MEIS2: variants seen among roughly 807,000 people sequenced by gnomAD.
MEIS2 encodes the protein Meis homeobox 2, also known as homeobox protein Meis2.
MEIS2 carries 9 observed loss-of-function variants against 58.6 expected under a neutral mutation model. That is an observed-to-expected ratio of 0.15 (90% CI 0.09 to 0.27). The LOEUF (loss-of-function observed/expected upper bound fraction) is 0.27. Among genes scored for constraint, MEIS2 ranks in the 10% least tolerant of loss-of-function variants. The pLI is 1.00. For missense variants in MEIS2, 427 were observed against 635.0 expected, an observed-to-expected ratio of 0.67 and a Z score of 3.52; for synonymous variants, 221 against 228.4, an observed-to-expected ratio of 0.97 and a Z score of 0.29.
rs150469916 is a variant in MEIS2 at position 36,964,675 on chromosome 15, A to G, written c.901-14275T>C. ...TTGTCATAATAGTCTGGGCAGAAGT[A>G]CATGACTGTCATTCCAAGGCAGTAA... On this transcript the variant is annotated intron_variant, in intron 8 of 11. Coordinates refer to ENST00000561208, the MANE Select transcript of MEIS2 (RefSeq NM_170675.5). 7.8e-3 allele frequency among the ~76,000 whole-genome samples: 1,192 copies of G among 152,332 alleles called. 22 individuals are homozygous for G. The highest frequency in any genetic ancestry group is 0.028 in the African/African-American group (1,148 of 41,574).
chr15:36,982,355 C>T (rs2059955602), intron 8 of MEIS2, among the ~76,000 whole-genome samples: 1 of 152,174 alleles, frequency 6.6e-6, no homozygotes. Flanking sequence ...CCCTCTGCTT[C>T]TAGGAGTTTA....
chr15:37,040,539 AC>A (rs1317223077), intron 7 of MEIS2, among the ~76,000 whole-genome samples: 1 of 152,178 alleles, frequency 6.6e-6, no homozygotes, highest in Non-Finnish European at 1.5e-5. Flanking sequence ...AGAGCTGAGT[AC>A]CCACAGGGCT....
chr15:36,894,927 A>C, intron 11 of MEIS2: 3 of 1,040,864 alleles, frequency 2.9e-6, no homozygotes, highest in Non-Finnish European at 4.5e-6. Context: ...AAAAAGAAAA[A>C]AGAAAAAGGA....
At chr15:36,970,328 C>A (rs11633488) in intron 8 of MEIS2, among the ~76,000 whole-genome samples, 1 of 151,060 alleles carries the variant, frequency 6.6e-6, no homozygotes, top group South Asian at 2.1e-4. Context: ...GGCGTGAACC[C>A]GGGAGGCGGA....
intron 8 of MEIS2, among the ~76,000 whole-genome samples, chr15:36,980,930 C>A (rs558738437): frequency 5.3e-4 from 81 of 152,170 alleles, no homozygotes; most frequent in African/African-American, 2.0e-3. Flanking sequence ...TAAAGTAGGA[C>A]AAATATCTTA....
rs558417007 is a variant in MEIS2, at chr15:36,921,720, G to T, written c.978-25034C>A. Among the ~76,000 whole-genome samples, 123 of 105,134 alleles carry T rather than the reference G, an allele frequency of 1.2e-3. 1 individual carries two copies. The highest frequency in any genetic ancestry group is 0.011 in the South Asian group (40 of 3,624). 69.0% of individuals were successfully genotyped at this position (105,134 alleles called of 152,430 possible). ...GATACGCTAGTGACCTCTTGGCATT[G>T]TTGAAAAAAAAAAAAATGAAATGTG... On this transcript the variant is annotated intron_variant, in intron 9 of 11. Coordinates refer to ENST00000561208, the MANE Select transcript of MEIS2 (RefSeq NM_170675.5).
chr15:36,943,734 T>C (rs751529286), intron 9 of MEIS2, among the ~76,000 whole-genome samples: 14 of 152,108 alleles, frequency 9.2e-5, no homozygotes, highest in Non-Finnish European at 1.8e-4. Context: ...CAGCTTGCTA[T>C]GAAAACCATA....
intron 9 of MEIS2, among the ~76,000 whole-genome samples, chr15:36,941,177 A>C (rs1345666456): frequency 1.3e-5 from 2 of 152,176 alleles, no homozygotes; most frequent in African/African-American, 4.8e-5. Context: ...CAGATCCAAG[A>C]CTATCAGGAT....
intron 8 of MEIS2, among the ~76,000 whole-genome samples, chr15:36,992,836 G>T (rs769476870): frequency 1.2e-4 from 18 of 152,058 alleles, no homozygotes; most frequent in Non-Finnish European, 2.4e-4. Flanking sequence ...AGGTTTTCTC[G>T]CACGGATTTT....
At chr15:37,073,200 G>A (rs1890941851) in intron 7 of MEIS2, among the ~76,000 whole-genome samples, 1 of 152,050 alleles carries the variant, frequency 6.6e-6, no homozygotes, top group Non-Finnish European at 1.5e-5. Context: ...CTATGAGACA[G>A]TTATTATTCC....
At chr15:36,925,862 A>G (rs1402316662) in intron 9 of MEIS2, among the ~76,000 whole-genome samples, 2 of 152,194 alleles carry the variant, frequency 1.3e-5, no homozygotes, top group African/African-American at 4.8e-5. Flanking sequence ...CTCATTAACA[A>G]ACAATACTGC....
intron 8 of MEIS2, among the ~76,000 whole-genome samples, chr15:36,998,277 C>T (rs1241610923): frequency 8.1e-6 from 1 of 123,826 alleles, no homozygotes; most frequent in East Asian, 2.7e-4. Context: ...TCCTTTGTCA[C>T]CTAGGCTGGA....
At chr15:36,943,569 T>A (rs1486899943) in intron 9 of MEIS2, among the ~76,000 whole-genome samples, 1 of 152,266 alleles carries the variant, frequency 6.6e-6, no homozygotes, top group Non-Finnish European at 1.5e-5. Flanking sequence ...TTAAGGGGCA[T>A]TTTTTGGAAC....
At chr15:36,899,400 T>C (rs893923160) in intron 9 of MEIS2, among the ~76,000 whole-genome samples, 1 of 152,156 alleles carries the variant, frequency 6.6e-6, no homozygotes, top group Non-Finnish European at 1.5e-5. Context: ...AGGCCACTCT[T>C]AGAAAATACA....
At chr15:36,923,091 C>T (rs1188080638) in intron 9 of MEIS2, among the ~76,000 whole-genome samples, 3 of 152,156 alleles carry the variant, frequency 2.0e-5, no homozygotes, top group Non-Finnish European at 4.4e-5. Flanking sequence ...AATAATATGT[C>T]ACAATTTTGT....
chr15:36,897,489 T>C (rs993436094), intron 9 of MEIS2: 2 of 152,148 alleles, frequency 1.3e-5, no homozygotes, highest in African/African-American at 4.8e-5. Context: ...CTAATTTTGT[T>C]GGAAATCCAA....
In MEIS2 at chr15:36,890,667, T is replaced by C. The variant is rs1309977440; in HGVS notation, c.*1506A>G. On this transcript the variant is annotated 3_prime_UTR_variant, in exon 12 of 12. Coordinates refer to ENST00000561208, the MANE Select transcript of MEIS2 (RefSeq NM_170675.5). ...TACCTTTGAGCACAGACATTATTTC[T>C]TATGTTGTAAAATTAACCCTGAAAA... is the stretch of plus-strand genomic sequence containing the variant. 6.6e-6 allele frequency: 1 copy of C among 152,176 alleles called. No individual in the cohort carries two copies. The highest frequency in any genetic ancestry group is 2.4e-5 in the African/African-American group (1 of 41,446). 9.4% of individuals were successfully genotyped at this position (152,176 alleles called of 1,614,324 possible). A position where few individuals can be genotyped will look rare whatever the true frequency, so the allele number is the denominator to read the frequency against.
At chr15:37,075,216 A>G (rs1047579484) in intron 7 of MEIS2, among the ~76,000 whole-genome samples, 6 of 152,196 alleles carry the variant, frequency 3.9e-5, no homozygotes, top group Admixed American at 3.3e-4. Flanking sequence ...TTTTGTATAG[A>G]TAACATAATG....
intron 11 of MEIS2, chr15:36,894,772 C>T: frequency 6.2e-7 from 1 of 1,613,844 alleles, no homozygotes; most frequent in Non-Finnish European, 8.5e-7. Context: ...AGTGCCATTG[C>T]CCATCCATGC....
Sources: allele counts gnomAD v4.1 joint callset (sites outside exome capture counted in the v4.1 genomes callset), GRCh38; gene constraint gnomAD v4.1.1; transcripts MANE v1.5; gene names NCBI Gene and HGNC (gene_info 2026-07-23, HGNC 2026-07-21).